RDX: variants seen among roughly 807,000 people sequenced by gnomAD.
The protein encoded by RDX is radixin.
Under a neutral mutation model 83.7 loss-of-function variants are expected in RDX, and 32 were observed. That is an observed-to-expected ratio of 0.38 (90% CI 0.29 to 0.51). The LOEUF is 0.51. Ranked by LOEUF, RDX falls within the 20% of genes least tolerant of loss-of-function variation. RDX has a pLI of 0.87. For missense variants in RDX, 600 were observed against 689.9 expected (o/e 0.87, Z 1.46); for synonymous variants, 229 against 222.7 (o/e 1.03, Z -0.25).
chr11:110,276,897 C>T (rs750258729), intron 2 of RDX, among the ~76,000 whole-genome samples: 6 of 152,104 alleles, frequency 3.9e-5, no homozygotes, highest in Non-Finnish European at 8.8e-5. Context: ...TAATTTATTC[C>T]ACTTCACGTG....
intron 13 of RDX, among the ~76,000 whole-genome samples, chr11:110,232,913 C>G (rs1864697092): frequency 6.6e-6 from 1 of 152,194 alleles, no homozygotes; most frequent in Non-Finnish European, 1.5e-5. Context: ...CTGCGCCTGG[C>G]CCTCAATGTA....
At chr11:110,281,108 T>C (rs2134426191) in intron 1 of RDX, among the ~76,000 whole-genome samples, 1 of 152,046 alleles carries the variant, frequency 6.6e-6, no homozygotes, top group Middle Eastern at 3.4e-3. Flanking sequence ...GAGGTTGCAG[T>C]GAGCCGACAT....
intron 15 of RDX, among the ~76,000 whole-genome samples, chr11:110,194,456 C>T (rs1002544413): frequency 2.6e-5 from 4 of 152,166 alleles, no homozygotes; most frequent in African/African-American, 9.7e-5. Flanking sequence ...CTGACCTCAA[C>T]TGATCCGCCC....
At chr11:110,291,333 G>A (rs3858406) in intron 1 of RDX, among the ~76,000 whole-genome samples, 58,502 of 151,650 alleles carry the variant, frequency 0.39, 11,375 homozygotes, top group East Asian at 0.52. Flanking sequence ...CAGTGACAGA[G>A]AGAAGGAGGG....
chr11:110,212,218 T>C (rs1366603225), intron 14 of RDX, among the ~76,000 whole-genome samples: 3 of 151,950 alleles, frequency 2.0e-5, no homozygotes, highest in African/African-American at 7.3e-5. Context: ...TCTATGCAAA[T>C]AAAATAGAAA....
At chr11:110,191,931 G>T (rs952461517) in intron 15 of RDX, among the ~76,000 whole-genome samples, 32 of 152,088 alleles carry the variant, frequency 2.1e-4, no homozygotes, top group African/African-American at 7.5e-4. Flanking sequence ...TGGATAGGAA[G>T]AATCAATATT....
chr11:110,247,877 A>G (rs1353600257), intron 9 of RDX, 44 bp from the exon 10 acceptor site: 1 of 1,530,926 alleles, frequency 6.5e-7, no homozygotes, highest in African/African-American at 1.4e-5. Flanking sequence ...ATACACAAAA[A>G]TATTATTCAT....
At chr11:110,252,774 TTA>T (rs1350932505) in intron 9 of RDX, among the ~76,000 whole-genome samples, 2 of 80,776 alleles carry the variant, frequency 2.5e-5, no homozygotes, top group South Asian at 3.5e-4. Flanking sequence ...ATCCAACTCA[TTA>T]CTCTTTTTTT....
At chr11:110,189,978 G>C (rs772683881) in intron 15 of RDX, among the ~76,000 whole-genome samples, 10 of 152,190 alleles carry the variant, frequency 6.6e-5, no homozygotes, top group Non-Finnish European at 1.3e-4. Flanking sequence ...AGCTACTTGG[G>C]AGGCTGAGGC....
rs1263480698 is a variant in RDX at position 110,231,413 on chromosome 11, G to A, written c.*456C>T. The A allele has an allele frequency of 4.8e-5, 11 of 231,304 alleles. No homozygotes were observed. The highest frequency in any genetic ancestry group is 8.6e-5 in the Non-Finnish European group (10 of 116,418). The allele number at this position is 231,304 out of a possible 1,614,324, so 14.3% of individuals were successfully genotyped here. On this transcript the variant is annotated 3_prime_UTR_variant, in exon 14 of 14. Coordinates refer to ENST00000645495, the MANE Select transcript of RDX (RefSeq NM_002906.4). ...TGTATGATGGTGGAATTATGGCTAT[G>A]GACATGGCAGATAAGAGAAGGGCAC...
intron 10 of RDX, among the ~76,000 whole-genome samples, chr11:110,244,486 T>A (rs903351355): frequency 6.6e-6 from 1 of 152,026 alleles, no homozygotes; most frequent in Non-Finnish European, 1.5e-5. Context: ...TTTTGCATGA[T>A]TCCATTCATA....
intron 15 of RDX, among the ~76,000 whole-genome samples, chr11:110,181,468 G>A (rs1471518860): frequency 1.3e-5 from 2 of 152,112 alleles, no homozygotes; most frequent in African/African-American, 4.8e-5. Flanking sequence ...GGCCAGGGCT[G>A]CATCTTAATG....
chr11:110,204,901 C>T (rs1167219099), intron 14 of RDX, among the ~76,000 whole-genome samples: 1 of 152,126 alleles, frequency 6.6e-6, no homozygotes, highest in African/African-American at 2.4e-5. Context: ...ACAGGTTACA[C>T]GAATTTATGC....
intron 15 of RDX, among the ~76,000 whole-genome samples, chr11:110,186,355 G>A (rs1185627392): frequency 6.6e-6 from 1 of 152,132 alleles, no homozygotes; most frequent in African/African-American, 2.4e-5. Context: ...GAAAGATTTT[G>A]ACTAGGTGGT....
At position 110,243,645 on chromosome 11, in the gene RDX, G is replaced by C. The variant is rs139138278; in HGVS notation, c.1090+4058C>G. On this transcript the variant is annotated intron_variant, in intron 10 of 13. Transcript: ENST00000645495. ...AGGTATGAGAATCGCTTGAAGCTCAGAGACTGAGGCTGCAGTGAACCGCGA... is the reference window on the plus strand; with the variant it reads ...AGGTATGAGAATCGCTTGAAGCTCACAGACTGAGGCTGCAGTGAACCGCGA... Among the ~76,000 whole-genome samples the C allele has an allele frequency of 7.6e-3, 1,157 of 152,192 alleles. 10 individuals are homozygous for C. Among genetic ancestry groups the C allele is most frequent in the Admixed American group, 0.012 (176 of 15,286 alleles).
At chr11:110,264,956 G>T in intron 3 of RDX, 82 bp from the exon 4 acceptor site, 3 of 975,778 alleles carry the variant, frequency 3.1e-6, no homozygotes, top group East Asian at 2.5e-5. Flanking sequence ...TTCAAAAGGA[G>T]AACAAAACTA....
At chr11:110,179,907 T>TTC (rs1555026109) in intron 15 of RDX, 7 of 403,042 alleles carry the variant, frequency 1.7e-5, no homozygotes, top group African/African-American at 4.5e-5. Flanking sequence ...TTTTTTCTTT[T>TTC]TTTTTTTTTT....
At chr11:110,270,807 C>A (rs938733546) in intron 3 of RDX, among the ~76,000 whole-genome samples, 1 of 152,158 alleles carries the variant, frequency 6.6e-6, no homozygotes, top group African/African-American at 2.4e-5. Context: ...AGTTTTATTT[C>A]TCAGTATACA....
At chr11:110,287,610 T>C (rs1171827768) in intron 1 of RDX, among the ~76,000 whole-genome samples, 1 of 152,108 alleles carries the variant, frequency 6.6e-6, no homozygotes, top group Non-Finnish European at 1.5e-5. Flanking sequence ...CATCCCAAAG[T>C]GAAGCAAAGA....
Sources: gnomAD v4.1 joint callset for allele counts (sites outside exome capture counted in the v4.1 genomes callset) on GRCh38, gnomAD v4.1.1 for gene constraint, MANE v1.5 for transcripts, NCBI Gene and HGNC (gene_info 2026-07-23, HGNC 2026-07-21) for gene names.